KDM6A: variants seen among roughly 807,000 people sequenced by gnomAD.
KDM6A encodes the protein lysine-specific demethylase 6A.
Under a neutral mutation model 117.6 loss-of-function variants are expected in KDM6A, and 11 were observed. That is an observed-to-expected ratio of 0.09 (90% CI 0.06 to 0.15). The LOEUF (loss-of-function observed/expected upper bound fraction) is 0.15. KDM6A is among the 10% of genes least tolerant of loss of function. The pLI is 1.00. For synonymous variants in KDM6A, 384 were observed against 396.1 expected (o/e 0.97, Z 0.36); for missense variants, 799 against 1,077.3 (o/e 0.74, Z 3.62).
At chrX:45,056,302 T>C (rs375880504) in intron 10 of KDM6A, among the ~76,000 whole-genome samples, 2 of 111,992 alleles carry the variant, frequency 1.8e-5, no homozygotes, top group South Asian at 3.7e-4. Flanking sequence ...GAATGAATTA[T>C]GTTTTAGAAG....
intron 4 of KDM6A, among the ~76,000 whole-genome samples, chrX:45,005,858 T>C (rs1403398857): frequency 9.3e-6 from 1 of 107,513 alleles, no homozygotes; most frequent in African/African-American, 3.4e-5. Context: ...CCTTTTCTAC[T>C]ACTGGAGGTT....
chrX:45,044,736 G>A (rs1469228111), intron 8 of KDM6A, among the ~76,000 whole-genome samples: 1 of 110,568 alleles, frequency 9.0e-6, no homozygotes, highest in Non-Finnish European at 1.9e-5. Context: ...GTGTAGAGCT[G>A]CATCATATCC....
rs2046769188 is a variant in KDM6A, at chrX:45,111,552, A to G, written c.*141A>G. On this transcript the variant is annotated 3_prime_UTR_variant, in exon 30 of 30. Coordinates refer to ENST00000611820, the MANE Select transcript of KDM6A (RefSeq NM_001291415.2). Reference sequence around the variant, plus strand: ...GCAACCTTCCAAGTGCGGAGTGTCAACCAACTGGACGGGAGAGAGTACTGC... The same window carrying G: ...GCAACCTTCCAAGTGCGGAGTGTCAGCCAACTGGACGGGAGAGAGTACTGC... 1.8e-6 allele frequency: 1 copy of G among 541,573 alleles called. No individual in the cohort carries two copies. The highest frequency in any genetic ancestry group is 2.6e-5 in the South Asian group (1 of 38,945). 44.6% of individuals were successfully genotyped at this position (541,573 alleles called of 1,213,427 possible). A position where few individuals can be genotyped will look rare whatever the true frequency, so the allele number is the denominator to read the frequency against.
Position 45,089,867 on chromosome X carries a change from G to C in KDM6A, c.3829G>C (p.Val1277Leu), listed in dbSNP as rs779920073. 1 of 1,210,820 alleles carries C rather than the reference G, an allele frequency of 8.3e-7. No homozygotes were observed. The highest frequency in any genetic ancestry group is 1.8e-5 in the South Asian group (1 of 56,916). Residue 1277 changes from valine to leucine, a missense_variant, in exon 26 of 30, where the codon GTT (valine) becomes CTT (leucine). Transcript: ENST00000611820. ...GDLVWINAGT[V>L]HWVQAIGWCN... is the part of the protein sequence containing the mutation. ...TTTGGTCTGGATAAATGCAGGCACT[G>C]TTCATTGGGTTCAGGCTATTGGCTG...
At chrX:44,906,697 C>T (rs1031900437) in intron 2 of KDM6A, among the ~76,000 whole-genome samples, 3 of 107,815 alleles carry the variant, frequency 2.8e-5, no homozygotes, top group East Asian at 2.9e-4. Context: ...AGAGAGAGAG[C>T]GAGAGAGAGA....
At chrX:45,109,421 A>G (rs1359406755) in intron 28 of KDM6A, among the ~76,000 whole-genome samples, 2 of 111,670 alleles carry the variant, frequency 1.8e-5, no homozygotes, top group Non-Finnish European at 3.8e-5. Context: ...GTTAACTGTT[A>G]AAAGAAGACA....
chrX:44,955,180 C>T (rs1261050912), intron 2 of KDM6A, among the ~76,000 whole-genome samples: 1 of 111,654 alleles, frequency 9.0e-6, no homozygotes, highest in East Asian at 2.8e-4. Flanking sequence ...CTCCCCACCC[C>T]TGCTTCTCTT....
At chrX:44,951,132 C>G (rs752547776) in intron 2 of KDM6A, among the ~76,000 whole-genome samples, 1 of 111,727 alleles carries the variant, frequency 9.0e-6, no homozygotes, top group African/African-American at 3.2e-5. Flanking sequence ...TAAAGGCTCT[C>G]GTGCCCCTTT....
At chrX:44,909,614 A>AT (rs1220318745) in intron 2 of KDM6A, among the ~76,000 whole-genome samples, 1 of 112,056 alleles carries the variant, frequency 8.9e-6, no homozygotes, top group African/African-American at 3.2e-5. Flanking sequence ...ACCGTAGAGT[A>AT]TTAGTCATCT....
intron 4 of KDM6A, among the ~76,000 whole-genome samples, chrX:45,000,430 A>C (rs1186567659): frequency 9.0e-6 from 1 of 111,345 alleles, no homozygotes; most frequent in African/African-American, 3.3e-5. Flanking sequence ...CCTCTGGTTG[A>C]TGAAGTGCCA....
chrX:44,873,465 G>A lies in KDM6A; in HGVS notation c.-87G>A. ...GAGGCGGCGATAAAGTTGGTGTGCT[G>A]GTCCCGCGCGCAGATTGGGGGCGTC... On this transcript the variant is annotated 5_prime_UTR_variant, in exon 1 of 30. Coordinates refer to ENST00000611820, the MANE Select transcript of KDM6A (RefSeq NM_001291415.2). 8.6e-7 allele frequency: 1 copy of A among 1,161,470 alleles called. No homozygotes were observed. Among genetic ancestry groups the A allele is most frequent in the Non-Finnish European group, 1.2e-6 (1 of 853,703 alleles).
chrX:45,041,618 G>A (rs1569528395), intron 8 of KDM6A, among the ~76,000 whole-genome samples: 2 of 111,972 alleles, frequency 1.8e-5, no homozygotes, highest in African/African-American at 3.3e-5. Context: ...CAGACAGGGC[G>A]GCGGGGCAGA....
rs2045504444 is a variant in KDM6A, at chrX:45,083,310, T to C, written c.3441-150T>C. ...GTTGGGAAGTTTTCTTTGGAAAAAATTAAAAATTTAAGCATTTTCTTATGG... is the reference window on the plus strand; with the variant it reads ...GTTGGGAAGTTTTCTTTGGAAAAAACTAAAAATTTAAGCATTTTCTTATGG... On this transcript the variant is annotated intron_variant, in intron 23 of 29. Transcript: ENST00000611820. The C allele has an allele frequency of 8.1e-6, 4 of 492,179 alleles. No homozygotes were observed. The South Asian group carries it at 1.8e-4, about 22-fold the overall frequency. 40.6% of individuals were successfully genotyped at this position (492,179 alleles called of 1,213,427 possible). A position where few individuals can be genotyped will look rare whatever the true frequency, so the allele number is the denominator to read the frequency against.
At chrX:45,109,141 TAAA>T (rs2046664638) in intron 28 of KDM6A, among the ~76,000 whole-genome samples, 3 of 84,495 alleles carry the variant, frequency 3.6e-5, no homozygotes, top group Admixed American at 1.3e-4. Flanking sequence ...ATAATAATAA[TAAA>T]TAAATAAATA....
rs141638532 is a variant in KDM6A, at chrX:44,961,208, T to G, written c.226-76T>G. On this transcript the variant is annotated intron_variant, in intron 2 of 29. Transcript: ENST00000611820. ...TTCTTAGGTGATCGAATGGAGGCTA[T>G]ATGCATTATCTTGGGGAGGAAATGT... 6.9e-4 allele frequency: 471 copies of G among 684,391 alleles called. 1 individual carries two copies. In the African/African-American group the frequency reaches 8.8e-3, roughly 13 times the overall value. 56.4% of individuals were successfully genotyped at this position (684,391 alleles called of 1,213,427 possible). A position where few individuals can be genotyped will look rare whatever the true frequency, so the allele number is the denominator to read the frequency against.
At chrX:44,946,860 G>A (rs1276359498) in intron 2 of KDM6A, among the ~76,000 whole-genome samples, 1 of 110,960 alleles carries the variant, frequency 9.0e-6, no homozygotes, top group African/African-American at 3.3e-5. Context: ...GCTCTTTATT[G>A]CTAAATATAT....
intron 2 of KDM6A, among the ~76,000 whole-genome samples, chrX:44,935,461 G>A (rs1202211304): frequency 9.0e-6 from 1 of 110,599 alleles, no homozygotes; most frequent in African/African-American, 3.3e-5. Context: ...TAAAGTTCAC[G>A]GTGGCGATGG....
At chrX:45,018,684 AC>A (rs770555074) in intron 5 of KDM6A, among the ~76,000 whole-genome samples, 1 of 111,237 alleles carries the variant, frequency 9.0e-6, no homozygotes, top group South Asian at 3.7e-4. Context: ...CCTTTGTTAT[AC>A]CTTTTTCCTT....
chrX:45,060,558 G>C (rs777305727), intron 13 of KDM6A, 51 bp from the exon 14 acceptor site: 8 of 917,794 alleles, frequency 8.7e-6, no homozygotes, highest in Non-Finnish European at 1.1e-5. Context: ...TTGAAGGAAT[G>C]AATTAAGAAT....
Sources: gnomAD v4.1 joint callset for allele counts (sites outside exome capture counted in the v4.1 genomes callset) on GRCh38, gnomAD v4.1.1 for gene constraint, MANE v1.5 for transcripts, NCBI Gene and HGNC (gene_info 2026-07-23, HGNC 2026-07-21) for gene names.